MASP1: variants seen among roughly 807,000 people sequenced by gnomAD.
MASP1 encodes MBL associated serine protease 1, also known as mannan-binding lectin serine protease 1.
Under a neutral mutation model 77.1 loss-of-function variants are expected in MASP1, and 59 were observed. The observed-to-expected ratio is 0.77, with a 90% CI of 0.62 to 0.95. The LOEUF is 0.95. Among genes scored for constraint, MASP1 ranks in the 40% least tolerant of loss-of-function variants. The pLI is 0.00. For missense variants in MASP1, 885 were observed against 912.9 expected, an observed-to-expected ratio of 0.97 and a Z score of 0.39; for synonymous variants, 362 against 354.5, an observed-to-expected ratio of 1.02 and a Z score of -0.24.
intron 12 of MASP1, chr3:187,226,305 G>A (rs942482823): frequency 4.7e-6 from 4 of 858,186 alleles, no homozygotes; most frequent in African/African-American, 3.4e-5. Context: ...CCTGACAAAT[G>A]AGTGAGCGAG....
intron 1 of MASP1, among the ~76,000 whole-genome samples, chr3:187,289,340 G>A (rs1718117093): frequency 6.6e-6 from 1 of 152,140 alleles, no homozygotes. Context: ...AGTTGGAAGG[G>A]ACTGCATGGA....
chr3:187,261,622 AC>A (rs1451180742), intron 3 of MASP1, among the ~76,000 whole-genome samples: 4 of 152,236 alleles, frequency 2.6e-5, no homozygotes, highest in Non-Finnish European at 4.4e-5. Flanking sequence ...ACATTGGTGG[AC>A]AGATAAAAAA....
intron 8 of MASP1, chr3:187,246,981 C>T: frequency 8.3e-7 from 1 of 1,197,836 alleles, no homozygotes. Context: ...ATCTGGTCAG[C>T]CTGAGGCCAC....
At chr3:187,247,443 A>C in intron 8 of MASP1, 1 of 1,595,096 alleles carries the variant, frequency 6.3e-7, no homozygotes, top group Non-Finnish European at 8.6e-7. Context: ...GGAAGCAGAG[A>C]GAGGAAGAGA....
In MASP1 at chr3:187,234,444, T is replaced by C. The variant is rs1414681651; in HGVS notation, c.*1240A>G. The C allele has an allele frequency of 2.3e-6, 3 of 1,285,852 alleles. No individual in the cohort carries two copies. The African/African-American group carries it at 4.6e-5, about 20-fold the overall frequency. 79.7% of individuals were successfully genotyped at this position (1,285,852 alleles called of 1,614,324 possible). ...CTGCAGGGGACCTTATGCCAGCCTGTTGCTGACGGAGAACCAGAGACTCAG... is the reference window on the plus strand; with the variant it reads ...CTGCAGGGGACCTTATGCCAGCCTGCTGCTGACGGAGAACCAGAGACTCAG... On this transcript the variant is annotated 3_prime_UTR_variant, in exon 11 of 11. Coordinates refer to ENST00000296280, the MANE Select transcript of MASP1 (RefSeq NM_139125.4).
rs116763673 is a variant in MASP1 at position 187,250,279 on chromosome 3, C to A, written c.1062G>T (p.Thr354=). 65 of 1,613,952 alleles carry A rather than the reference C, an allele frequency of 4.0e-5. No individual in the cohort carries two copies. The highest frequency in any genetic ancestry group is 5.3e-5 in the Non-Finnish European group (62 of 1,179,800). ...TACAGGTGGGAATCTTGTTACTCCA[C>A]GTCCCATCCTTCAGACACTCAATCT... ...TFQIECLKDG[T]WSNKIPTCKI... Residue 354 remains threonine, a synonymous_variant, in exon 8 of 11, where the codon ACG becomes ACT. Transcript: ENST00000296280.
downstream of MASP1, among the ~76,000 whole-genome samples, chr3:187,230,369 A>T (rs1480820317): frequency 6.6e-6 from 1 of 152,240 alleles, no homozygotes; most frequent in Admixed American, 6.5e-5. Context: ...AAGTTGAGGG[A>T]CAAAGAGACA....
At chr3:187,222,880 G>A (rs902670004) in intron 14 of MASP1, among the ~76,000 whole-genome samples, 6 of 152,084 alleles carry the variant, frequency 3.9e-5, no homozygotes, top group Admixed American at 6.6e-5. Context: ...CATAAGCTAA[G>A]CCTTTAATAA....
At position 187,236,425 on chromosome 3, in the gene MASP1, C is replaced by G; in HGVS notation, c.1446G>C (p.Gly482=). The change falls in exon 11 of 11, where the codon GGG becomes GGC. Residue 482 remains glycine (G), a synonymous_variant. Transcript: ENST00000296280. ...AGGACGCAGAGAGCAGGGCCCCACT[C>G]CCAAACCACTTGTCATTTGGCACTC... ...TSRVPNDKWF[G]SGALLSASWI... 6.2e-7 allele frequency: 1 copy of G among 1,614,214 alleles called. No homozygotes were observed. Among genetic ancestry groups the G allele is most frequent in the Non-Finnish European group, 8.5e-7 (1 of 1,180,038 alleles).
intron 2 of MASP1, among the ~76,000 whole-genome samples, chr3:187,272,382 A>G (rs1287046139): frequency 6.6e-6 from 1 of 152,190 alleles, no homozygotes; most frequent in South Asian, 2.1e-4. Flanking sequence ...TGTTGGAAAA[A>G]TTACTTAAAC....
intron 5 of MASP1, among the ~76,000 whole-genome samples, chr3:187,254,712 A>C (rs2108547799): frequency 6.6e-6 from 1 of 152,176 alleles, no homozygotes. Context: ...AGCAGGAGGG[A>C]GGTGATGAGT....
chr3:187,253,051 TG>T, intron 6 of MASP1, 116 bp downstream of exon 6: 1 of 1,354,434 alleles, frequency 7.4e-7, no homozygotes, highest in Non-Finnish European at 1.1e-6. Context: ...GCTGCTCAAC[TG>T]GGAGTCCCAT....
rs543086802 is a variant in MASP1 at position 187,225,348 on chromosome 3, G to C, written c.1717C>G (p.Leu573Val). 16 of 1,613,550 alleles carry C rather than the reference G, an allele frequency of 9.9e-6. No homozygotes were observed. The South Asian group carries it at 1.3e-4, about 13-fold the overall frequency. Residue 573 changes from leucine to valine, a missense_variant, in exon 13 of 16, where the codon CTG (leucine) becomes GTG (valine). Leu to Val is a conservative substitution (Grantham distance 32). Coordinates refer to the MASP1 transcript ENST00000337774. Reference sequence around the variant, plus strand: ...CCTTCCTGCTGGGGTCCCTCAGGCAGACAGATGGGCATCACGAAGGCATTC... The same window carrying C: ...CCTTCCTGCTGGGGTCCCTCAGGCACACAGATGGGCATCACGAAGGCATTC...
At chr3:187,246,158 T>G (rs1019233563) in intron 8 of MASP1, among the ~76,000 whole-genome samples, 1 of 152,188 alleles carries the variant, frequency 6.6e-6, no homozygotes, top group African/African-American at 2.4e-5. Flanking sequence ...GATGAAACAC[T>G]CCTTCTTCTT....
intron 2 of MASP1, among the ~76,000 whole-genome samples, chr3:187,268,549 T>TAAAGAAA (rs1553781392): frequency 7.3e-6 from 1 of 137,348 alleles, no homozygotes; most frequent in South Asian, 2.2e-4. Flanking sequence ...GAAAAGAAAA[T>TAAAGAAA]AGAAAAGAAA....
At chr3:187,260,691 T>G (rs763226408) in intron 4 of MASP1, 50 bp downstream of exon 4, 2 of 1,612,606 alleles carry the variant, frequency 1.2e-6, no homozygotes, top group Non-Finnish European at 1.7e-6. Flanking sequence ...CTAATGTTAT[T>G]GAGGATGTGG....
exon 14 of MASP1, chr3:187,223,152 T>G (rs1169080205): frequency 6.2e-7 from 1 of 1,614,208 alleles, no homozygotes. Context: ...TGGGAACCTT[T>G]GCAAGAACTG....
intron 14 of MASP1, among the ~76,000 whole-genome samples, chr3:187,222,803 T>A (rs546079654): frequency 1.3e-5 from 2 of 152,250 alleles, no homozygotes; most frequent in East Asian, 3.9e-4. Flanking sequence ...GGTGTACAGT[T>A]CTCATGGTGC....
At position 187,260,798 on chromosome 3, in the gene MASP1, A is replaced by G. The variant is rs745325064; in HGVS notation, c.490T>C (p.Tyr164His). 3 of 1,614,138 alleles carry G rather than the reference A, an allele frequency of 1.9e-6. No individual in the cohort carries two copies. The highest frequency in any genetic ancestry group is 3.3e-5 in the Admixed American group (2 of 60,018). ...DHYCHNYIGG[Y>H]YCSCRFGYIL... ...TAGCCGAAGCGGCAGGAGCAGTAGTAGCCGCCAATGTAGTTGTGGCAGTAG... is the reference window on the plus strand; with the variant it reads ...TAGCCGAAGCGGCAGGAGCAGTAGTGGCCGCCAATGTAGTTGTGGCAGTAG... The change falls in exon 4 of 11, where the codon TAC (tyrosine) becomes CAC (histidine). Residue 164 changes from tyrosine (Y) to histidine (H), a missense_variant. By Grantham distance (83) the Tyr-to-His change is moderately conservative (BLOSUM62 2). Coordinates refer to ENST00000296280, the MANE Select transcript of MASP1 (RefSeq NM_139125.4).
Sources: allele counts gnomAD v4.1 joint callset (sites outside exome capture counted in the v4.1 genomes callset), GRCh38; gene constraint gnomAD v4.1.1; transcripts MANE v1.5; gene names NCBI Gene and HGNC (gene_info 2026-07-23, HGNC 2026-07-21).